NLGN4X: variants seen among roughly 807,000 people sequenced by gnomAD.
NLGN4X encodes the protein neuroligin-4, X-linked.
Under a neutral mutation model 40.3 loss-of-function variants are expected in NLGN4X, and 3 were observed. That is an observed-to-expected ratio of 0.07 (90% CI 0.03 to 0.19). The LOEUF is 0.19. Ranked by LOEUF, NLGN4X falls within the 10% of genes least tolerant of loss-of-function variation. The probability of loss-of-function intolerance (pLI) is 1.00; values close to 1 mark genes in which losing one functional copy is unlikely to be tolerated. For missense variants in NLGN4X, 382 were observed against 708.3 expected (o/e 0.54, Z 5.23); for synonymous variants, 270 against 306.8 (o/e 0.88, Z 1.25).
intron 2 of NLGN4X, among the ~76,000 whole-genome samples, chrX:6,112,734 C>G (rs1231804320): frequency 1.8e-5 from 2 of 109,562 alleles, no homozygotes; most frequent in Non-Finnish European, 3.8e-5. Context: ...CAGGTGTGAG[C>G]CACCACACCC....
At chrX:6,054,716 G>A (rs2037576630) in intron 2 of NLGN4X, among the ~76,000 whole-genome samples, 1 of 111,116 alleles carries the variant, frequency 9.0e-6, no homozygotes, top group African/African-American at 3.3e-5. Context: ...GGAGTGCAAT[G>A]GTGTAAACTT....
intron 3 of NLGN4X, among the ~76,000 whole-genome samples, chrX:5,932,440 G>A (rs1366823814): frequency 9.1e-6 from 1 of 110,443 alleles, no homozygotes; most frequent in Non-Finnish European, 1.9e-5. Flanking sequence ...GGTACCAAAC[G>A]CTCTCTCTCA....
At chrX:6,023,775 A>C (rs1470844667) in intron 3 of NLGN4X, among the ~76,000 whole-genome samples, 1 of 112,415 alleles carries the variant, frequency 8.9e-6, no homozygotes, top group Non-Finnish European at 1.9e-5. Context: ...TGAAGCATGA[A>C]GTCATAGGAT....
intron 3 of NLGN4X, among the ~76,000 whole-genome samples, chrX:6,004,242 T>C (rs1019928761): frequency 8.9e-6 from 1 of 112,479 alleles, no homozygotes; most frequent in Non-Finnish European, 1.9e-5. Context: ...ATTTAAAATA[T>C]TTAAATGCTT....
intron 2 of NLGN4X, among the ~76,000 whole-genome samples, chrX:6,126,425 C>T (rs902952144): frequency 7.2e-5 from 8 of 111,011 alleles, no homozygotes; most frequent in South Asian, 3.7e-4. Context: ...ATTATTTGTA[C>T]ATAATGTCAC....
At chrX:6,028,664 A>G (rs1215408907) in intron 3 of NLGN4X, among the ~76,000 whole-genome samples, 3 of 66,008 alleles carry the variant, frequency 4.5e-5, no homozygotes, top group Non-Finnish European at 5.6e-5. Context: ...ATCTCAAAGA[A>G]AAAAAAAAAA....
intron 2 of NLGN4X, among the ~76,000 whole-genome samples, chrX:6,077,339 C>T (rs1375960022): frequency 3.1e-5 from 3 of 96,796 alleles, no homozygotes; most frequent in Non-Finnish European, 4.4e-5. Context: ...CAGGGTCTCA[C>T]TCTACAAGCC....
chrX:6,057,760 A>T (rs1178689005), intron 2 of NLGN4X, among the ~76,000 whole-genome samples: 1 of 111,789 alleles, frequency 8.9e-6, no homozygotes, highest in Non-Finnish European at 1.9e-5. Context: ...TCATTACATG[A>T]TGTAATCTAA....
chrX:6,147,348 G>A (rs917926115), intron 2 of NLGN4X, among the ~76,000 whole-genome samples: 6 of 111,574 alleles, frequency 5.4e-5, no homozygotes, highest in African/African-American at 2.0e-4. Flanking sequence ...TATCTTGTCT[G>A]AGCAACTCCT....
chrX:6,017,167 C>T (rs1179600343), intron 3 of NLGN4X, among the ~76,000 whole-genome samples: 2 of 111,488 alleles, frequency 1.8e-5, no homozygotes, highest in Non-Finnish European at 3.8e-5. Context: ...CTCAACGGGT[C>T]ACTTACATGG....
intron 1 of NLGN4X, among the ~76,000 whole-genome samples, chrX:6,168,201 T>G (rs996884305): frequency 8.9e-6 from 1 of 112,053 alleles, no homozygotes; most frequent in Non-Finnish European, 1.9e-5. Flanking sequence ...TTCTTTTCAA[T>G]TGGCCCACCC....
intron 2 of NLGN4X, among the ~76,000 whole-genome samples, chrX:6,063,090 C>T (rs1197326293): frequency 9.0e-6 from 1 of 111,356 alleles, no homozygotes; most frequent in Admixed American, 9.6e-5. Flanking sequence ...TCATTGACCA[C>T]CCTACTTAAA....
At chrX:5,940,929 C>T (rs1351271080) in intron 3 of NLGN4X, among the ~76,000 whole-genome samples, 3 of 109,946 alleles carry the variant, frequency 2.7e-5, no homozygotes, top group East Asian at 2.9e-4. Context: ...CCAACCAAAG[C>T]AACATGGAGA....
intron 3 of NLGN4X, among the ~76,000 whole-genome samples, chrX:5,945,272 A>G (rs1247500758): frequency 9.0e-6 from 1 of 111,683 alleles, no homozygotes; most frequent in Non-Finnish European, 1.9e-5. Context: ...CAGGTCAGTG[A>G]GTACCCCATA....
chrX:6,047,742 T>G (rs1433989349), intron 2 of NLGN4X, among the ~76,000 whole-genome samples: 1 of 111,661 alleles, frequency 9.0e-6, no homozygotes, highest in Non-Finnish European at 1.9e-5. Context: ...AGAGGACACC[T>G]TTGGAGGTAT....
chrX:6,095,020 T>C (rs2038728349), intron 2 of NLGN4X, among the ~76,000 whole-genome samples: 1 of 109,890 alleles, frequency 9.1e-6, no homozygotes. Context: ...TTGGAAATCC[T>C]GCTATGAAAA....
At chrX:6,163,906 A>C (rs2040449717) in intron 1 of NLGN4X, among the ~76,000 whole-genome samples, 1 of 112,983 alleles carries the variant, frequency 8.9e-6, no homozygotes, top group African/African-American at 3.2e-5. Flanking sequence ...CTATTAAATT[A>C]AAAGGAAGAA....
At chrX:6,076,493 G>T (rs185610880) in intron 2 of NLGN4X, among the ~76,000 whole-genome samples, 1 of 111,848 alleles carries the variant, frequency 8.9e-6, no homozygotes, top group East Asian at 2.8e-4. Flanking sequence ...CTCATTGTTT[G>T]TTTCAGAGTT....
intron 2 of NLGN4X, among the ~76,000 whole-genome samples, chrX:6,042,690 T>TAA (rs1476212408): frequency 4.0e-3 from 43 of 10,849 alleles, no homozygotes; most frequent in Non-Finnish European, 5.6e-3. Context: ...AGGTTTTATA[T>TAA]ATATATATAT....
Sources: gnomAD v4.1 joint callset for allele counts (sites outside exome capture counted in the v4.1 genomes callset) on GRCh38, gnomAD v4.1.1 for gene constraint, MANE v1.5 for transcripts, NCBI Gene and HGNC (gene_info 2026-07-23, HGNC 2026-07-21) for gene names.